TLCD5: variants seen among roughly 807,000 people sequenced by gnomAD.
TLCD5 encodes the protein TLC domain-containing protein 5.
A neutral mutation model predicts 20.5 loss-of-function variants in TLCD5; 15 were observed. The ratio of observed to expected loss-of-function variants is 0.73; its 90% CI spans 0.49 to 1.13. The LOEUF (loss-of-function observed/expected upper bound fraction) is 1.13. Among genes scored for constraint, TLCD5 ranks in the 50% most tolerant of loss-of-function variants. The pLI is 0.00. For synonymous variants in TLCD5, 107 were observed against 114.7 expected, an observed-to-expected ratio of 0.93 and a Z score of 0.43; for missense variants, 289 against 305.6, an observed-to-expected ratio of 0.95 and a Z score of 0.41.
chr11:120,329,860 C>A, intron 2 of TLCD5, 117 bp from the exon 3 acceptor site: 2 of 988,890 alleles, frequency 2.0e-6, no homozygotes, highest in Non-Finnish European at 3.0e-6. Flanking sequence ...CATGTGCCTG[C>A]TATTGTTTTT....
chr11:120,328,723 A>G (rs928854675), intron 2 of TLCD5, among the ~76,000 whole-genome samples: 90 of 130,058 alleles, frequency 6.9e-4, no homozygotes, highest in South Asian at 3.2e-3. Context: ...TTATGTATGC[A>G]TACCTGTGTC....
chr11:120,327,670 A>G (rs781600478), intron 2 of TLCD5, 30 bp downstream of exon 2: 3 of 1,598,774 alleles, frequency 1.9e-6, no homozygotes, highest in East Asian at 2.2e-5. Flanking sequence ...TTAGGGATTT[A>G]TGATTTGGGG....
Position 120,327,466 on chromosome 11 carries a change from G to T in TLCD5, c.25G>T (p.Val9Leu), listed in dbSNP as rs1490223494. Residue 9 changes from valine (V) to leucine (L), a missense_variant, in exon 2 of 3, where the codon GTG becomes TTG. Val to Leu is a conservative substitution (Grantham distance 32, BLOSUM62 1). Coordinates refer to ENST00000375095, the MANE Select transcript of TLCD5 (RefSeq NM_001198671.2). MALALCLQ[V>L]LCSLCGWLSL... ...GATGGCATTAGCTCTGTGTCTGCAG[G>T]TGCTGTGCAGCCTGTGTGGCTGGCT... The T allele has an allele frequency of 2.5e-6, 4 of 1,614,068 alleles. No homozygotes were observed. The African/African-American group carries it at 5.3e-5, about 22-fold the overall frequency.
At chr11:120,328,917 A>ATTGT (rs1555084789) in intron 2 of TLCD5, among the ~76,000 whole-genome samples, 6 of 32,248 alleles carry the variant, frequency 1.9e-4, no homozygotes, top group Non-Finnish European at 3.0e-4. Context: ...TAACAGTCAT[A>ATTGT]GTGTGTGTGT....
rs917319984 is a variant in TLCD5, at chr11:120,330,739, G to T, written c.*224G>T. On this transcript the variant is annotated 3_prime_UTR_variant, in exon 3 of 3. Coordinates refer to ENST00000375095, the MANE Select transcript of TLCD5 (RefSeq NM_001198671.2). ...AGTGAGAATACTCCATGGTAGTTGG[G>T]AATAAGTGAGAACTGTGAAGTGAGT... The T allele has an allele frequency of 6.1e-6, 3 of 492,816 alleles. No homozygotes were observed. Among genetic ancestry groups the T allele is most frequent in the Non-Finnish European group, 1.1e-5 (3 of 282,238 alleles). 30.5% of individuals were successfully genotyped at this position (492,816 alleles called of 1,614,324 possible).
In TLCD5 at chr11:120,333,554, A is replaced by G. The variant is rs531547510; in HGVS notation, c.*3039A>G. On this transcript the variant is annotated 3_prime_UTR_variant, in exon 3 of 3. Transcript: ENST00000375095. The surrounding 1 kb of genome is among the most constrained non-coding windows in gnomAD (Gnocchi z 4.5). The stretch of plus-strand genomic sequence containing the variant: ...TGAAGGGCTAATTAATGTGTGGTAT[A>G]CTTGGACAAAATGAAGTACTCATTT... 6.6e-5 allele frequency: 10 copies of G among 152,358 alleles called. No homozygotes were observed. The highest frequency in any genetic ancestry group is 6.5e-4 in the Admixed American group (10 of 15,308). The allele number at this position is 152,358 out of a possible 1,614,324, so 9.4% of individuals were successfully genotyped here. A position where few individuals can be genotyped will look rare whatever the true frequency, so the allele number is the denominator to read the frequency against.
At position 120,330,795 on chromosome 11, in the gene TLCD5, C is replaced by T. The variant is rs771191887; in HGVS notation, c.*280C>T. On this transcript the variant is annotated 3_prime_UTR_variant, in exon 3 of 3. Coordinates refer to ENST00000375095, the MANE Select transcript of TLCD5 (RefSeq NM_001198671.2). ...TGGCATTTGTTTTCATTTGTGGTGA[C>T]CCTGGGTCCTCCTGTCCCTGGGAGG... The T allele has an allele frequency of 1.2e-4, 36 of 303,866 alleles. No homozygotes were observed. The highest frequency in any genetic ancestry group is 2.3e-4 in the African/African-American group (11 of 46,932). The allele number at this position is 303,866 out of a possible 1,614,324, so 18.8% of individuals were successfully genotyped here. A position where few individuals can be genotyped will look rare whatever the true frequency, so the allele number is the denominator to read the frequency against.
rs1942195093 is a variant in TLCD5 at position 120,333,258 on chromosome 11, G to C, written c.*2743G>C. ...CTGTTCCATACCAGACAAATGAACA[G>C]GCTTAATCTGGTACCAATTCTTTTT... is the stretch of plus-strand genomic sequence containing the variant. On this transcript the variant is annotated 3_prime_UTR_variant, in exon 3 of 3. Coordinates refer to ENST00000375095, the MANE Select transcript of TLCD5 (RefSeq NM_001198671.2). This position sits in a 1 kb window ranked among gnomAD's most constrained non-coding sequence, Gnocchi z 4.5. The C allele has an allele frequency of 6.6e-6, 1 of 152,126 alleles. No individual in the cohort carries two copies. The highest frequency in any genetic ancestry group is 2.1e-4 in the South Asian group (1 of 4,820). 9.4% of individuals were successfully genotyped at this position (152,126 alleles called of 1,614,324 possible).
chr11:120,330,099 T>C lies in TLCD5; in HGVS notation c.322T>C (p.Leu108=), dbSNP rs1336432568. Residue 108 remains leucine (L), a synonymous_variant, in exon 3 of 3, where the codon TTG becomes CTG. Transcript: ENST00000375095. ...TGCCTTGATGCTGGCTCATCACACA[T>C]TGAGTATCTTGGGCATTATCATGGC... ...EGALMLAHHT[L]SILGIIMALV... is the part of the protein sequence containing the mutation. 3.1e-6 allele frequency: 5 copies of C among 1,614,172 alleles called. No individual in the cohort carries two copies. Among genetic ancestry groups the C allele is most frequent in the Non-Finnish European group, 4.2e-6 (5 of 1,180,018 alleles).
rs1475192276 is a variant in TLCD5, at chr11:120,330,056, C to T, written c.279C>T (p.Val93=). The part of the protein sequence containing the change: ...GYFIFDLGWC[V]YFQSEGALML... ...TCATCTTCGACTTGGGCTGGTGCGTCTACTTTCAGTCTGAGGGTGCCTTGA... is the reference window on the plus strand; with the variant it reads ...TCATCTTCGACTTGGGCTGGTGCGTTTACTTTCAGTCTGAGGGTGCCTTGA... Residue 93 remains valine, a synonymous_variant, in exon 3 of 3, where the codon GTC becomes GTT. Coordinates refer to ENST00000375095, the MANE Select transcript of TLCD5 (RefSeq NM_001198671.2). 15 of 1,614,078 alleles carry T rather than the reference C, an allele frequency of 9.3e-6. No homozygotes were observed. The highest frequency in any genetic ancestry group is 1.6e-4 in the Middle Eastern group (1 of 6,084).
chr11:120,329,739 C>G (rs530464577), intron 2 of TLCD5, among the ~76,000 whole-genome samples: 1 of 152,154 alleles, frequency 6.6e-6, no homozygotes, highest in Non-Finnish European at 1.5e-5. Context: ...AGGATGCAAA[C>G]TCATTGAAGT....
intron 1 of TLCD5, 124 bp downstream of exon 1, chr11:120,325,492 C>T (rs1198592170): frequency 6.6e-6 from 1 of 152,122 alleles, no homozygotes; most frequent in Non-Finnish European, 1.5e-5. Flanking sequence ...CCTCCTGCCT[C>T]GGACGCCCGA....
intron 1 of TLCD5, among the ~76,000 whole-genome samples, chr11:120,326,070 T>C (rs1405195103): frequency 6.6e-6 from 1 of 152,218 alleles, no homozygotes; most frequent in Non-Finnish European, 1.5e-5. Flanking sequence ...ACTCTGAGAA[T>C]TGGCCTTGAT....
rs373878686 is a variant in TLCD5, at chr11:120,327,494, C to G, written c.53C>G (p.Ser18Trp). The change falls in exon 2 of 3, where the codon TCG (serine) becomes TGG (tryptophan). Residue 18 changes from serine to tryptophan, a missense_variant. Physicochemically the swap from Ser to Trp is radical, Grantham distance 177. Transcript: ENST00000375095. ...CTGTGCAGCCTGTGTGGCTGGCTCT[C>G]GCTCTATATTTCTTTCTGCCACCTG... ...QVLCSLCGWL[S>W]LYISFCHLNK... The G allele has an allele frequency of 1.9e-6, 3 of 1,614,172 alleles. No homozygotes were observed. Among genetic ancestry groups the G allele is most frequent in the Non-Finnish European group, 2.5e-6 (3 of 1,180,030 alleles).
Position 120,330,338 on chromosome 11 carries a change from C to A in TLCD5, c.561C>A (p.Pro187=), listed in dbSNP as rs760072525. 2 of 1,607,166 alleles carry A rather than the reference C, an allele frequency of 1.2e-6. No individual in the cohort carries two copies. Among genetic ancestry groups the A allele is most frequent in the East Asian group, 2.2e-5 (1 of 44,788 alleles). The part of the protein sequence containing the change: ...ACLLFCEMVS[P]TPKWFVKAGG... ...TCCTTTTCTGTGAAATGGTCTCCCC[C>A]ACGCCTAAGTGGTTTGTGAAGGCTG... is the stretch of plus-strand genomic sequence containing the variant. The change falls in exon 3 of 3, where the codon CCC becomes CCA. Residue 187 remains proline, a synonymous_variant. Transcript: ENST00000375095.
rs1942132315 is a variant in TLCD5, at chr11:120,330,595, A to G, written c.*80A>G. 6.9e-7 allele frequency: 1 copy of G among 1,456,366 alleles called. No homozygotes were observed. 90.2% of individuals were successfully genotyped at this position (1,456,366 alleles called of 1,614,324 possible). A position where few individuals can be genotyped will look rare whatever the true frequency, so the allele number is the denominator to read the frequency against. ...GGAAATATGACTGTTACATAATTAC[A>G]CTTATAACAAACTTAGGTTTCAATA... On this transcript the variant is annotated 3_prime_UTR_variant, in exon 3 of 3. Coordinates refer to ENST00000375095, the MANE Select transcript of TLCD5 (RefSeq NM_001198671.2).
chr11:120,328,261 T>G (rs1942045874), intron 2 of TLCD5, among the ~76,000 whole-genome samples: 1 of 152,022 alleles, frequency 6.6e-6, no homozygotes, highest in African/African-American at 2.4e-5. Flanking sequence ...TTTTGTATTT[T>G]TAGTAGAGAT....
rs563103213 is a variant in TLCD5, at chr11:120,330,107, C to T, written c.330C>T (p.Ile110=). Reference sequence around the variant, plus strand: ...TGCTGGCTCATCACACATTGAGTATCTTGGGCATTATCATGGCCCTTGTGC... The same window carrying T: ...TGCTGGCTCATCACACATTGAGTATTTTGGGCATTATCATGGCCCTTGTGC... ...ALMLAHHTLS[I]LGIIMALVLG... is the part of the protein sequence containing the mutation. Residue 110 remains isoleucine (I), a synonymous_variant, in exon 3 of 3, where the codon ATC becomes ATT. Coordinates refer to ENST00000375095, the MANE Select transcript of TLCD5 (RefSeq NM_001198671.2). The T allele has an allele frequency of 6.2e-7, 1 of 1,614,122 alleles. No homozygotes were observed. Among genetic ancestry groups the T allele is most frequent in the Non-Finnish European group, 8.5e-7 (1 of 1,180,008 alleles).
chr11:120,329,870 TG>T, intron 2 of TLCD5, 106 bp from the exon 3 acceptor site: 2 of 1,134,528 alleles, frequency 1.8e-6, no homozygotes, highest in Non-Finnish European at 2.5e-6. Flanking sequence ...CTATTGTTTT[TG>T]TTTCTTTAGT....
Sources: allele counts gnomAD v4.1 joint callset (sites outside exome capture counted in the v4.1 genomes callset), GRCh38; gene constraint gnomAD v4.1.1; non-coding constraint Gnocchi (gnomAD v3.1); transcripts MANE v1.5; gene names NCBI Gene and HGNC (gene_info 2026-07-23, HGNC 2026-07-21).